DAB1: variants seen among roughly 807,000 people sequenced by gnomAD.
The protein encoded by DAB1 is disabled homolog 1.
In DAB1, 15 loss-of-function variants were observed where a neutral mutation model predicts 64.6. The ratio of observed to expected loss-of-function variants is 0.23; its 90% confidence interval spans 0.16 to 0.36. The LOEUF is 0.36. DAB1 is among the 10% of genes least tolerant of loss of function. DAB1 has a pLI of 1.00. For missense variants in DAB1, 596 were observed against 706.7 expected (o/e 0.84, Z 1.78); for synonymous variants, 235 against 251.9 (o/e 0.93, Z 0.64).
chr1:58,203,150 C>A (rs1373737561), intron 4 of DAB1, among the ~76,000 whole-genome samples: 1 of 152,154 alleles, frequency 6.6e-6, no homozygotes, highest in Non-Finnish European at 1.5e-5. Flanking sequence ...CTTAACAGAA[C>A]CCCCAGTGGA....
intron 5 of DAB1, among the ~76,000 whole-genome samples, chr1:58,112,784 C>T (rs1394263843): frequency 6.6e-6 from 1 of 152,134 alleles, no homozygotes; most frequent in African/African-American, 2.4e-5. Context: ...TTATGAAGCA[C>T]CACATACATG....
At chr1:58,102,315 G>A (rs1201473465) in intron 5 of DAB1, among the ~76,000 whole-genome samples, 1 of 152,186 alleles carries the variant, frequency 6.6e-6, no homozygotes, top group Non-Finnish European at 1.5e-5. Context: ...GGAAAGGAGG[G>A]AAATGAGAAG....
intron 7 of DAB1, among the ~76,000 whole-genome samples, chr1:57,559,209 A>AT (rs1645023837): frequency 6.6e-6 from 1 of 152,206 alleles, no homozygotes; most frequent in Non-Finnish European, 1.5e-5. Context: ...TAGAAGTGAA[A>AT]TTGATAGGAA....
intron 2 of DAB1, among the ~76,000 whole-genome samples, chr1:57,279,897 T>C (rs182064298): frequency 3.3e-5 from 5 of 152,310 alleles, no homozygotes; most frequent in Admixed American, 3.3e-4. Context: ...CTATACAACA[T>C]ATTTTATCAT....
intron 3 of DAB1, among the ~76,000 whole-genome samples, chr1:58,431,581 GAGA>G (rs1268367941): frequency 1.3e-5 from 2 of 148,472 alleles, no homozygotes; most frequent in Non-Finnish European, 3.0e-5. Flanking sequence ...AAAAAAAAGG[GAGA>G]AGAAGAAGAA....
intron 6 of DAB1, among the ~76,000 whole-genome samples, chr1:57,682,652 C>T (rs1646649188): frequency 6.6e-6 from 1 of 152,016 alleles, no homozygotes; most frequent in Non-Finnish European, 1.5e-5. Context: ...CCTGTGTCCC[C>T]CATGGGCATG....
chr1:58,525,314 T>A (rs1237664737), intron 2 of DAB1, among the ~76,000 whole-genome samples: 1 of 150,862 alleles, frequency 6.6e-6, no homozygotes, highest in Admixed American at 6.6e-5. Context: ...TTGAAAAAAA[T>A]CCTATGTATA....
intron 7 of DAB1, among the ~76,000 whole-genome samples, chr1:57,525,982 G>A (rs1644588668): frequency 1.4e-5 from 2 of 147,222 alleles, no homozygotes; most frequent in South Asian, 4.2e-4. Context: ...CTGTCACCCA[G>A]GCTGGAGTGC....
intron 5 of DAB1, among the ~76,000 whole-genome samples, chr1:58,127,409 T>A (rs1201158010): frequency 2.0e-5 from 3 of 151,466 alleles, no homozygotes; most frequent in Non-Finnish European, 4.4e-5. Context: ...TTTTGTAGGT[T>A]GCCTGTTCAC....
chr1:57,889,448 G>A (rs1190313498), intron 5 of DAB1, among the ~76,000 whole-genome samples: 1 of 152,228 alleles, frequency 6.6e-6, no homozygotes, highest in African/African-American at 2.4e-5. Context: ...TGAATATGCT[G>A]TTCAAGTGAC....
chr1:57,292,803 G>A (rs923392411), intron 1 of DAB1, among the ~76,000 whole-genome samples: 1 of 152,040 alleles, frequency 6.6e-6, no homozygotes, highest in African/African-American at 2.4e-5. Context: ...GTCTAACAGA[G>A]GTATCAGTCA....
intron 7 of DAB1, among the ~76,000 whole-genome samples, chr1:57,630,991 A>G (rs1397193842): frequency 6.6e-6 from 1 of 152,174 alleles, no homozygotes; most frequent in Non-Finnish European, 1.5e-5. Context: ...CAGTTCAAAA[A>G]ATTTCTGAGA....
At chr1:57,466,162 C>A (rs180988211) in intron 7 of DAB1, among the ~76,000 whole-genome samples, 1 of 152,164 alleles carries the variant, frequency 6.6e-6, no homozygotes, top group Non-Finnish European at 1.5e-5. Context: ...CTCTAACTCA[C>A]GAATTATGGG....
chr1:58,389,533 C>A (rs1644460040), intron 3 of DAB1, among the ~76,000 whole-genome samples: 1 of 152,186 alleles, frequency 6.6e-6, no homozygotes, highest in Non-Finnish European at 1.5e-5. Context: ...ATTAAGAGTT[C>A]TGGGTTTGAA....
chr1:58,379,956 A>C (rs553378596), intron 3 of DAB1, among the ~76,000 whole-genome samples: 2 of 152,290 alleles, frequency 1.3e-5, no homozygotes, highest in East Asian at 1.9e-4. Context: ...CTAGGTGTAG[A>C]TATGTACCTA....
intron 6 of DAB1, among the ~76,000 whole-genome samples, chr1:57,685,368 C>T (rs1646684210): frequency 6.6e-6 from 1 of 151,932 alleles, no homozygotes; most frequent in Non-Finnish European, 1.5e-5. Context: ...CTTAAGTCTC[C>T]TAAATATACA....
At chr1:57,827,304 C>T (rs767021692) in intron 1 of DAB1, among the ~76,000 whole-genome samples, 4 of 152,138 alleles carry the variant, frequency 2.6e-5, no homozygotes, top group Non-Finnish European at 5.9e-5. Context: ...CAACTAGGAC[C>T]CATTGGTCAG....
At chr1:58,044,614 G>A (rs1647199696) in intron 5 of DAB1, among the ~76,000 whole-genome samples, 1 of 152,230 alleles carries the variant, frequency 6.6e-6, no homozygotes, top group Middle Eastern at 3.4e-3. Context: ...TCTGGGTGTT[G>A]AATTCATAAT....
chr1:57,858,357 C>A (rs2101937567), intron 1 of DAB1, among the ~76,000 whole-genome samples: 1 of 152,212 alleles, frequency 6.6e-6, no homozygotes, highest in East Asian at 1.9e-4. Flanking sequence ...CACCTTCCTC[C>A]CTTAATGGCA....
Sources: gnomAD v4.1 joint callset for allele counts (sites outside exome capture counted in the v4.1 genomes callset) on GRCh38, gnomAD v4.1.1 for gene constraint, MANE v1.5 for transcripts, NCBI Gene and HGNC (gene_info 2026-07-23, HGNC 2026-07-21) for gene names.